Variants in ITGAM observed in about 807,000 individuals in gnomAD.
The protein encoded by ITGAM is integrin alpha-M.
A neutral mutation model predicts 137.5 loss-of-function variants in ITGAM; 79 were observed. The observed-to-expected ratio is 0.57, with a 90% confidence interval of 0.48 to 0.69. The LOEUF is 0.69. Ranked by LOEUF, ITGAM falls within the 30% of genes least tolerant of loss-of-function variation. The probability of loss-of-function intolerance (pLI) is 0.00; values close to 1 mark genes in which losing one functional copy is unlikely to be tolerated. For synonymous variants in ITGAM, 583 were observed against 592.3 expected (o/e 0.98, Z 0.23); for missense variants, 1,343 against 1,483.5 (o/e 0.91, Z 1.56).
chr16:31,292,524 T>C (rs558782600), intron 12 of ITGAM, among the ~76,000 whole-genome samples: 26 of 152,290 alleles, frequency 1.7e-4, no homozygotes, highest in African/African-American at 5.3e-4. Context: ...TATTTGTTTT[T>C]CTGTTCTTGT....
rs543530953 is a variant in ITGAM at position 31,332,712 on chromosome 16, T to C, written c.*1005T>C. 1.4e-4 allele frequency: 21 copies of C among 152,380 alleles called. No individual in the cohort carries two copies. Among genetic ancestry groups the C allele is most frequent in the Admixed American group, 5.2e-4 (8 of 15,310 alleles). The allele number at this position is 152,380 out of a possible 1,614,324, so 9.4% of individuals were successfully genotyped here. On this transcript the variant is annotated 3_prime_UTR_variant, in exon 30 of 30. Coordinates refer to ENST00000544665, the MANE Select transcript of ITGAM (RefSeq NM_000632.4). ...CCAATATTTCTCAGACATCGGTTCA[T>C]ATTAAGACATAAATTACTTTTTCAT...
At chr16:31,293,597 G>A (rs2080106980) in intron 12 of ITGAM, among the ~76,000 whole-genome samples, 1 of 151,958 alleles carries the variant, frequency 6.6e-6, no homozygotes, top group South Asian at 2.1e-4. Flanking sequence ...TGGTCTATGT[G>A]CCTGTTTTTG....
At chr16:31,314,821 GTTTT>G (rs369241453) in intron 14 of ITGAM, among the ~76,000 whole-genome samples, 5 of 130,872 alleles carry the variant, frequency 3.8e-5, no homozygotes, top group Non-Finnish European at 6.5e-5. Flanking sequence ...AGGAGGCAGG[GTTTT>G]TTTTTTTTTT....
chr16:31,325,721 A>G (rs2144495641), intron 21 of ITGAM, 99 bp downstream of exon 21: 2 of 1,414,306 alleles, frequency 1.4e-6, no homozygotes, highest in East Asian at 4.6e-5. Context: ...TTTTGTACAA[A>G]ACAGCTTTAT....
chr16:31,273,974 C>A (rs2079879350), intron 8 of ITGAM, among the ~76,000 whole-genome samples: 1 of 152,226 alleles, frequency 6.6e-6, no homozygotes, highest in South Asian at 2.1e-4. Context: ...AGCAAGAGAA[C>A]AGTGGAGATG....
At chr16:31,298,611 T>C (rs1021957393) in intron 14 of ITGAM, among the ~76,000 whole-genome samples, 2 of 152,184 alleles carry the variant, frequency 1.3e-5, no homozygotes, top group East Asian at 3.8e-4. Flanking sequence ...AGAGCTCTAG[T>C]TTGCTTAACT....
At chr16:31,310,779 TAG>T (rs1167771345) in intron 14 of ITGAM, among the ~76,000 whole-genome samples, 3 of 152,214 alleles carry the variant, frequency 2.0e-5, no homozygotes, top group Non-Finnish European at 4.4e-5. Flanking sequence ...CTCTGATTTT[TAG>T]AGTTTCCGGT....
chr16:31,296,096 A>C (rs922005576), intron 12 of ITGAM, among the ~76,000 whole-genome samples: 3 of 142,680 alleles, frequency 2.1e-5, no homozygotes, highest in Non-Finnish European at 4.5e-5. Flanking sequence ...CATGGTTATT[A>C]TCTTTTTATC....
At position 31,261,758 on chromosome 16, in the gene ITGAM, G is replaced by A. The variant is rs781208761; in HGVS notation, c.95G>A (p.Arg32Lys). 6 of 1,613,260 alleles carry A rather than the reference G, an allele frequency of 3.7e-6. No individual in the cohort carries two copies. In the East Asian group the frequency reaches 1.1e-4, roughly 30 times the overall value. Residue 32 changes from arginine (R) to lysine (K), a missense_variant, in exon 2 of 30, where the codon AGG (arginine) becomes AAG (lysine). Coordinates refer to ENST00000544665, the MANE Select transcript of ITGAM (RefSeq NM_000632.4). The part of the protein sequence containing the change: ...ENAMTFQENA[R>K]GFGQSVVQLQ... ...GCAATGACCTTCCAAGAGAACGCAAGGGGCTTCGGGCAGAGCGTGGTCCAG... is the reference window on the plus strand; with the variant it reads ...GCAATGACCTTCCAAGAGAACGCAAAGGGCTTCGGGCAGAGCGTGGTCCAG...
intron 2 of ITGAM, among the ~76,000 whole-genome samples, chr16:31,262,342 TC>T (rs1172773370): frequency 3.7e-4 from 5 of 13,396 alleles, no homozygotes; most frequent in African/African-American, 1.2e-3. Context: ...CTTCCATCCT[TC>T]CTTCCTTCCT....
Position 31,321,261 on chromosome 16 carries a change from C to G in ITGAM, c.1728C>G (p.Leu576=), listed in dbSNP as rs1049115881. ...SHSQRIAGSK[L]SPRLQYFGQS... is the part of the protein sequence containing the mutation. Reference sequence around the variant, plus strand: ...CTCAGCGGATAGCAGGCTCCAAGCTCTCTCCCAGGCTCCAGTATTTTGGTC... The same window carrying G: ...CTCAGCGGATAGCAGGCTCCAAGCTGTCTCCCAGGCTCCAGTATTTTGGTC... The change falls in exon 15 of 30, where the codon CTC becomes CTG. Residue 576 remains leucine (L), a synonymous_variant. Transcript: ENST00000544665. The G allele has an allele frequency of 5.0e-6, 8 of 1,613,828 alleles. No individual in the cohort carries two copies. Among genetic ancestry groups the G allele is most frequent in the African/African-American group, 1.3e-5 (1 of 74,902 alleles).
chr16:31,307,011 A>G (rs1235486824), intron 14 of ITGAM, among the ~76,000 whole-genome samples: 1 of 152,074 alleles, frequency 6.6e-6, no homozygotes, highest in Non-Finnish European at 1.5e-5. Flanking sequence ...CAAAAGAAAA[A>G]AAGAAAAGAC....
In ITGAM at chr16:31,271,075, C is replaced by T; in HGVS notation, c.549C>T (p.Ser183=). 1 of 1,567,996 alleles carries T rather than the reference C, an allele frequency of 6.4e-7. No individual in the cohort carries two copies. The highest frequency in any genetic ancestry group is 8.7e-7 in the Non-Finnish European group (1 of 1,152,406). The part of the protein sequence containing the change: ...VSTVMEQLKK[S]KTLFSLMQYS... ...CTGTGATGGAGCAATTAAAAAAGTC[C>T]AAAACCTTGGTGAGGGCCCAGGGGT... Residue 183 remains serine, a synonymous_variant, in exon 6 of 30, where the codon TCC becomes TCT. Transcript: ENST00000544665.
At chr16:31,273,297 TA>T (rs201225943) in intron 7 of ITGAM, 67 bp from the exon 8 acceptor site, 52,990 of 1,190,506 alleles carry the variant, frequency 0.045, 2 homozygotes, top group East Asian at 0.059. Context: ...GTCTATTTCT[TA>T]AAAAAAAAAA....
intron 28 of ITGAM, among the ~76,000 whole-genome samples, chr16:31,330,952 CAG>C (rs1270928863): frequency 2.7e-5 from 4 of 148,846 alleles, no homozygotes; most frequent in African/African-American, 5.0e-5. Context: ...GATAGAGAGA[CAG>C]AGAGAGGCAG....
rs2080149543 is a variant in ITGAM, at chr16:31,297,674, G to A, written c.1497+20G>A. 1.4e-5 allele frequency: 23 copies of A among 1,608,982 alleles called. No individual in the cohort carries two copies. The East Asian group carries it at 4.2e-4, about 30-fold the overall frequency. ...AGGGGGGTGAGTGGCAATGGGACCTGGGCTGGGTGGGGCCCGGTGTGGGTG... is the reference window on the plus strand; with the variant it reads ...AGGGGGGTGAGTGGCAATGGGACCTAGGCTGGGTGGGGCCCGGTGTGGGTG... On this transcript the variant is annotated intron_variant, in intron 13 of 29. Coordinates refer to ENST00000544665, the MANE Select transcript of ITGAM (RefSeq NM_000632.4).
Position 31,275,288 on chromosome 16 carries a change from G to A in ITGAM, c.859-261G>A, listed in dbSNP as rs539311331. Among the ~76,000 whole-genome samples the A allele has an allele frequency of 9.2e-5, 14 of 152,284 alleles. No individual in the cohort carries two copies. The South Asian group carries it at 2.9e-3, about 32-fold the overall frequency. On this transcript the variant is annotated intron_variant, in intron 8 of 29. Coordinates refer to ENST00000544665, the MANE Select transcript of ITGAM (RefSeq NM_000632.4). ...AGAAAAAGGCTCCCCTTCCTCTAGG[G>A]GGAGGTCAGCTCCATACCAGGAGAC...
intron 12 of ITGAM, among the ~76,000 whole-genome samples, chr16:31,294,507 T>C (rs1226667561): frequency 6.6e-6 from 1 of 152,192 alleles, no homozygotes; most frequent in Admixed American, 6.5e-5. Context: ...TTTTTGTCTT[T>C]AGTTCTGTTT....
intron 14 of ITGAM, among the ~76,000 whole-genome samples, chr16:31,302,927 TCTTTCTTTCTTTCTTTC>T (rs1454422263): frequency 1.5e-4 from 2 of 13,450 alleles, no homozygotes; most frequent in Non-Finnish European, 3.5e-4. Context: ...CCTCTTTCTT[TCTTTCTTTCTTTCTTTC>T]TTTCTTTCTT....
Sources: allele counts gnomAD v4.1 joint callset (sites outside exome capture counted in the v4.1 genomes callset), GRCh38; gene constraint gnomAD v4.1.1; transcripts MANE v1.5; gene names NCBI Gene and HGNC (gene_info 2026-07-23, HGNC 2026-07-21).